Variants in CAB39L observed in about 807,000 individuals in gnomAD.
The protein encoded by CAB39L is calcium-binding protein 39-like.
A neutral mutation model predicts 39.1 loss-of-function variants in CAB39L; 23 were observed. The ratio of observed to expected loss-of-function variants is 0.59; its 90% confidence interval spans 0.42 to 0.83. CAB39L has a LOEUF of 0.83. CAB39L is among the 40% of genes least tolerant of loss of function. CAB39L has a pLI of 0.00. For missense variants in CAB39L, 366 were observed against 391.9 expected (o/e 0.93, Z 0.56); for synonymous variants, 126 against 137.2 (o/e 0.92, Z 0.57).
rs113320078 is a variant in CAB39L at position 49,443,918 on chromosome 13, C to A, written c.-246+68G>T. 3,887 of 456,714 alleles carry A rather than the reference C, an allele frequency of 8.5e-3. 145 individuals carry two copies. Among genetic ancestry groups the A allele is most frequent in the African/African-American group, 0.069 (3,451 of 50,164 alleles). 28.3% of individuals were successfully genotyped at this position (456,714 alleles called of 1,614,324 possible). ...CGGACCCCTCCACTACGGCCAGGCGCTATGTATGTTTTCAACCCCCAAGAA... is the reference window on the plus strand; with the variant it reads ...CGGACCCCTCCACTACGGCCAGGCGATATGTATGTTTTCAACCCCCAAGAA... On this transcript the variant is annotated intron_variant, in intron 1 of 10. Coordinates refer to ENST00000409308, the MANE Select transcript of CAB39L (RefSeq NM_001079670.3).
chr13:49,352,483 AC>A (rs1955384814), intron 6 of CAB39L, among the ~76,000 whole-genome samples: 1 of 151,914 alleles, frequency 6.6e-6, no homozygotes, highest in South Asian at 2.1e-4. Flanking sequence ...GTGGGGCGTG[AC>A]TGCTCACTCC....
chr13:49,443,628 T>C (rs1957587599), intron 1 of CAB39L, among the ~76,000 whole-genome samples: 1 of 152,152 alleles, frequency 6.6e-6, no homozygotes, highest in South Asian at 2.1e-4. Flanking sequence ...GGTCAGAATC[T>C]TTGCGAGACA....
chr13:49,314,229 G>C (rs918918187), intron 10 of CAB39L, among the ~76,000 whole-genome samples: 1 of 152,066 alleles, frequency 6.6e-6, no homozygotes, highest in Non-Finnish European at 1.5e-5. Context: ...CTGGAACCTG[G>C]GTTCAAATTC....
At chr13:49,372,551 C>T (rs1233396825) in intron 5 of CAB39L, among the ~76,000 whole-genome samples, 2 of 152,158 alleles carry the variant, frequency 1.3e-5, no homozygotes, top group East Asian at 1.9e-4. Flanking sequence ...CTGCTCCCAG[C>T]GCCCTTCAAC....
chr13:49,435,542 C>T (rs9596105), intron 1 of CAB39L, among the ~76,000 whole-genome samples: 13,896 of 152,140 alleles, frequency 0.091, 854 homozygotes, highest in South Asian at 0.27. Flanking sequence ...GCTGTGTTGC[C>T]CAGGCTGGAG....
At chr13:49,364,034 A>T (rs952751090) in intron 5 of CAB39L, among the ~76,000 whole-genome samples, 1 of 152,182 alleles carries the variant, frequency 6.6e-6, no homozygotes, top group African/African-American at 2.4e-5. Context: ...CTTACATCAG[A>T]CAAAACAGAT....
chr13:49,343,709 G>A (rs1380070310), intron 8 of CAB39L, among the ~76,000 whole-genome samples: 1 of 152,014 alleles, frequency 6.6e-6, no homozygotes, highest in East Asian at 1.9e-4. Context: ...GTAGGATTAG[G>A]GAAAGCTTTC....
intron 10 of CAB39L, among the ~76,000 whole-genome samples, chr13:49,322,682 G>T (rs1292330911): frequency 6.6e-6 from 1 of 152,146 alleles, no homozygotes; most frequent in African/African-American, 2.4e-5. Flanking sequence ...GTCAATTGTA[G>T]AAAGAATAGA....
chr13:49,406,333 ATTTTTTT>A (rs34078174), intron 3 of CAB39L, among the ~76,000 whole-genome samples: 1 of 90,632 alleles, frequency 1.1e-5, no homozygotes, highest in Admixed American at 1.2e-4. Flanking sequence ...ATGCCCAGCT[ATTTTTTT>A]TTTTTTTTTT....
At chr13:49,382,764 G>A (rs773407537) in intron 4 of CAB39L, 36 bp downstream of exon 4, 1 of 1,318,622 alleles carries the variant, frequency 7.6e-7, no homozygotes, top group East Asian at 2.3e-5. Flanking sequence ...TGCGATGCAT[G>A]TACTTTAATC....
rs186879003 is a variant in CAB39L, at chr13:49,345,427, G to A, written c.565-1189C>T. On this transcript the variant is annotated intron_variant, in intron 7 of 10. Coordinates refer to ENST00000409308, the MANE Select transcript of CAB39L (RefSeq NM_001079670.3). ...CCACTGGGCCTATCAGTGGAAACAT[G>A]GTGTTTTTCCCCCCCAGTGGAGCAG... 4.1e-3 allele frequency among the ~76,000 whole-genome samples: 617 copies of A among 152,192 alleles called. 3 individuals are homozygous for A. The highest frequency in any genetic ancestry group is 5.6e-3 in the Non-Finnish European group (380 of 68,012).
intron 6 of CAB39L, among the ~76,000 whole-genome samples, chr13:49,357,669 A>G (rs950254416): frequency 6.6e-6 from 1 of 152,208 alleles, no homozygotes; most frequent in African/African-American, 2.4e-5. Flanking sequence ...CATTCTCTTC[A>G]TTCTCAGTAT....
At chr13:49,397,763 A>G (rs1429326616) in intron 3 of CAB39L, among the ~76,000 whole-genome samples, 1 of 152,118 alleles carries the variant, frequency 6.6e-6, no homozygotes, top group African/African-American at 2.4e-5. Context: ...TACAATCTCA[A>G]CTTATAGCAG....
intron 6 of CAB39L, 26 bp downstream of exon 6, chr13:49,359,688 T>G (rs551159078): frequency 8.0e-7 from 1 of 1,254,982 alleles, no homozygotes; most frequent in East Asian, 2.3e-5. Context: ...AACTTAGCCC[T>G]ACTTGAAAGG....
chr13:49,376,889 T>C (rs950896353), intron 5 of CAB39L, 78 bp downstream of exon 5: 1 of 454,092 alleles, frequency 2.2e-6, no homozygotes, highest in Non-Finnish European at 3.2e-6. Flanking sequence ...AAAAGTTGAA[T>C]AGTAGATAGA....
intron 7 of CAB39L, among the ~76,000 whole-genome samples, chr13:49,349,693 A>G (rs1955283651): frequency 6.6e-6 from 1 of 152,104 alleles, no homozygotes; most frequent in Non-Finnish European, 1.5e-5. Context: ...AAATAATTCT[A>G]GCTAACTTGA....
chr13:49,326,036 G>C (rs1423667703), intron 10 of CAB39L, among the ~76,000 whole-genome samples: 1 of 152,200 alleles, frequency 6.6e-6, no homozygotes, highest in Non-Finnish European at 1.5e-5. Context: ...CCAAATGCTA[G>C]GATCTGAGTG....
intron 3 of CAB39L, among the ~76,000 whole-genome samples, chr13:49,407,066 T>C (rs560876997): frequency 6.6e-6 from 1 of 152,336 alleles, no homozygotes; most frequent in African/African-American, 2.4e-5. Context: ...TTTCTTTAAG[T>C]AGAGACTTTA....
intron 3 of CAB39L, among the ~76,000 whole-genome samples, chr13:49,407,552 AAG>A (rs1305372880): frequency 6.6e-6 from 1 of 152,152 alleles, no homozygotes; most frequent in Non-Finnish European, 1.5e-5. Context: ...CAAAAAAATC[AAG>A]ACTCTAACAT....
Sources: gnomAD v4.1 joint callset for allele counts (sites outside exome capture counted in the v4.1 genomes callset) on GRCh38, gnomAD v4.1.1 for gene constraint, MANE v1.5 for transcripts, NCBI Gene and HGNC (gene_info 2026-07-23, HGNC 2026-07-21) for gene names.